GPR149: variants seen among roughly 807,000 people sequenced by gnomAD.
GPR149 encodes the protein G protein-coupled receptor 149.
Under a neutral mutation model 50.2 loss-of-function variants are expected in GPR149, and 50 were observed. The observed-to-expected ratio is 1.00, with a 90% CI of 0.79 to 1.26. The LOEUF is 1.26. Ranked by LOEUF, GPR149 falls within the 50% of genes most tolerant of loss-of-function variation. GPR149 has a pLI of 0.00. For synonymous variants in GPR149, 405 were observed against 358.2 expected, an observed-to-expected ratio of 1.13 and a Z score of -1.48; for missense variants, 983 against 895.4, an observed-to-expected ratio of 1.10 and a Z score of -1.25.
intron 3 of GPR149, among the ~76,000 whole-genome samples, chr3:154,379,307 T>A (rs1714863291): frequency 6.6e-6 from 1 of 152,056 alleles, no homozygotes; most frequent in Non-Finnish European, 1.5e-5. Context: ...GGTTTTTTTT[T>A]TTTCCAGTTT....
intron 3 of GPR149, among the ~76,000 whole-genome samples, chr3:154,345,394 GAA>G (rs1191209255): frequency 6.6e-6 from 1 of 152,142 alleles, no homozygotes; most frequent in Non-Finnish European, 1.5e-5. Context: ...GAATGACAAA[GAA>G]TGATACATTC....
At chr3:154,378,053 A>T (rs1714832390) in intron 3 of GPR149, among the ~76,000 whole-genome samples, 1 of 149,080 alleles carries the variant, frequency 6.7e-6, no homozygotes, top group Non-Finnish European at 1.5e-5. Flanking sequence ...TATATTGCTT[A>T]ACAGGATCTC....
At chr3:154,395,810 CAAAT>C (rs1412548755) in intron 3 of GPR149, among the ~76,000 whole-genome samples, 1 of 152,052 alleles carries the variant, frequency 6.6e-6, no homozygotes, top group African/African-American at 2.4e-5. Context: ...CTCAAACAAA[CAAAT>C]AAACAAACAA....
intron 3 of GPR149, among the ~76,000 whole-genome samples, chr3:154,404,399 T>C (rs563640686): frequency 3.9e-5 from 6 of 152,352 alleles, no homozygotes; most frequent in African/African-American, 7.2e-5. Flanking sequence ...ATAAGTTACA[T>C]ACTCTAAATA....
chr3:154,354,708 A>G, intron 3 of GPR149: 2 of 550,680 alleles, frequency 3.6e-6, no homozygotes, highest in South Asian at 4.8e-5. Context: ...TAGGTTCAAT[A>G]AATACCTTTT....
intron 3 of GPR149, among the ~76,000 whole-genome samples, chr3:154,407,752 T>C (rs1271869093): frequency 7.7e-6 from 1 of 129,338 alleles, no homozygotes; most frequent in Non-Finnish European, 1.6e-5. Flanking sequence ...GCTCTGTAGG[T>C]TAGGGCCTAG....
intron 3 of GPR149, among the ~76,000 whole-genome samples, chr3:154,420,833 A>C (rs1321872248): frequency 6.6e-6 from 1 of 151,966 alleles, no homozygotes; most frequent in Non-Finnish European, 1.5e-5. Context: ...CCTATTATAA[A>C]ATGTATAGAT....
chr3:154,353,757 G>T, intron 3 of GPR149: 1 of 796,506 alleles, frequency 1.3e-6, no homozygotes, highest in Admixed American at 2.0e-5. Flanking sequence ...CAATCAAGGG[G>T]ATGGCAAAAA....
Position 154,429,678 on chromosome 3 carries a change from C to G in GPR149, c.-63G>C, listed in dbSNP as rs1453390808. The G allele has an allele frequency of 7.1e-7, 1 of 1,402,152 alleles. No homozygotes were observed. Among genetic ancestry groups the G allele is most frequent in the Non-Finnish European group, 9.8e-7 (1 of 1,016,726 alleles). 86.9% of individuals were successfully genotyped at this position (1,402,152 alleles called of 1,614,324 possible). On this transcript the variant is annotated 5_prime_UTR_variant, in exon 1 of 4. Coordinates refer to ENST00000389740, the MANE Select transcript of GPR149 (RefSeq NM_001038705.3). Reference sequence around the variant, plus strand: ...TCTGATAATTTTCTCAAAAGAAAGACCGGCTGCTGCAAATCAGATTTCATT... The same window carrying G: ...TCTGATAATTTTCTCAAAAGAAAGAGCGGCTGCTGCAAATCAGATTTCATT...
intron 3 of GPR149, among the ~76,000 whole-genome samples, chr3:154,415,763 AATAATT>A (rs1387942037): frequency 6.6e-6 from 1 of 151,944 alleles, no homozygotes; most frequent in African/African-American, 2.4e-5. Flanking sequence ...GATTTTCTAC[AATAATT>A]ATAAGTTAGT....
intron 3 of GPR149, among the ~76,000 whole-genome samples, chr3:154,402,431 T>TAAAC (rs1353636490): frequency 6.7e-6 from 1 of 149,910 alleles, no homozygotes. Context: ...AATAAATAAA[T>TAAAC]AAATAAATAA....
Position 154,420,036 on chromosome 3 carries a change from A to G in GPR149, c.1623+1003T>C, listed in dbSNP as rs75302583. ...TTTAAAACAATGGTATCAGGAGACT[A>G]GTAGTTTTATTTAATCAATGAGAAT... On this transcript the variant is annotated intron_variant, in intron 3 of 3. Coordinates refer to ENST00000389740, the MANE Select transcript of GPR149 (RefSeq NM_001038705.3). Among the ~76,000 whole-genome samples the G allele has an allele frequency of 7.2e-3, 1,097 of 152,166 alleles. 19 individuals are homozygous for G. Among genetic ancestry groups the G allele is most frequent in the African/African-American group, 0.024 (989 of 41,544 alleles).
rs377552754 is a variant in GPR149, at chr3:154,347,211, C to T, written c.1624-8940G>A. ...TTTTACATGTTGTATTAGCTGGTTC[C>T]CATGCTGCTAATAAAGACACACACG... is the stretch of plus-strand genomic sequence containing the variant. On this transcript the variant is annotated intron_variant, in intron 3 of 3. Transcript: ENST00000389740. Among the ~76,000 whole-genome samples the T allele has an allele frequency of 5.3e-5, 8 of 152,138 alleles. No homozygotes were observed. In the East Asian group the frequency reaches 1.5e-3, roughly 29 times the overall value.
At chr3:154,358,463 A>T (rs1355462659) in intron 3 of GPR149, among the ~76,000 whole-genome samples, 1 of 152,134 alleles carries the variant, frequency 6.6e-6, no homozygotes, top group Non-Finnish European at 1.5e-5. Context: ...AAAAAATTAA[A>T]ATCACCAAAC....
intron 3 of GPR149, 58 bp downstream of exon 3, chr3:154,420,981 A>T: frequency 1.6e-6 from 2 of 1,232,046 alleles, no homozygotes; most frequent in Non-Finnish European, 2.3e-6. Flanking sequence ...AATGTTTTTC[A>T]TGACTATCAT....
intron 1 of GPR149, 102 bp from the exon 2 acceptor site, chr3:154,427,810 C>A: frequency 2.7e-6 from 3 of 1,097,218 alleles, no homozygotes; most frequent in Non-Finnish European, 3.9e-6. Context: ...CCAGTTCCTT[C>A]TCCTGATGGA....
chr3:154,413,908 G>A (rs1711912637), intron 3 of GPR149, among the ~76,000 whole-genome samples: 1 of 150,326 alleles, frequency 6.7e-6, no homozygotes, highest in African/African-American at 2.4e-5. Context: ...TGGCCCAAAA[G>A]CCCAACAATC....
At chr3:154,358,324 G>T (rs1714293260) in intron 3 of GPR149, among the ~76,000 whole-genome samples, 1 of 151,828 alleles carries the variant, frequency 6.6e-6, no homozygotes, top group South Asian at 2.1e-4. Flanking sequence ...GAAAGAAGTT[G>T]GGCTAAATAA....
chr3:154,411,387 A>G (rs1314681387), intron 3 of GPR149, among the ~76,000 whole-genome samples: 1 of 152,122 alleles, frequency 6.6e-6, no homozygotes, highest in Non-Finnish European at 1.5e-5. Flanking sequence ...AAAAATTAAT[A>G]CAAAAGATAA....
Sources: allele counts gnomAD v4.1 joint callset (sites outside exome capture counted in the v4.1 genomes callset), GRCh38; gene constraint gnomAD v4.1.1; transcripts MANE v1.5; gene names NCBI Gene and HGNC (gene_info 2026-07-23, HGNC 2026-07-21).